Variants in RAD18 observed in about 807,000 individuals in gnomAD.
The protein encoded by RAD18 is E3 ubiquitin-protein ligase RAD18.
A neutral mutation model predicts 60.4 loss-of-function variants in RAD18; 47 were observed. That is an observed-to-expected ratio of 0.78 (90% CI 0.62 to 0.99). RAD18 has a LOEUF of 0.99. RAD18 is among the 50% of genes least tolerant of loss of function. The pLI is 0.00. For missense variants in RAD18, 640 were observed against 593.3 expected (o/e 1.08, Z -0.82); for synonymous variants, 225 against 195.5 (o/e 1.15, Z -1.26).
At chr3:8,897,751 C>G (rs2125049567) in intron 11 of RAD18, among the ~76,000 whole-genome samples, 1 of 152,238 alleles carries the variant, frequency 6.6e-6, no homozygotes, top group Non-Finnish European at 1.5e-5. Context: ...ATTCAGAGGG[C>G]AATGCCTACA....
intron 1 of RAD18, 127 bp downstream of exon 1, chr3:8,963,208 C>G (rs1323302461): frequency 9.3e-7 from 1 of 1,077,830 alleles, no homozygotes; most frequent in East Asian, 3.0e-5. Context: ...AGGGCAGAGC[C>G]GGATACCCGG....
intron 7 of RAD18, among the ~76,000 whole-genome samples, chr3:8,931,095 G>A (rs1235334207): frequency 6.6e-6 from 1 of 152,112 alleles, no homozygotes; most frequent in Non-Finnish European, 1.5e-5. Context: ...TTATTGGCAT[G>A]TAACTTGATT....
chr3:8,938,955 C>T (rs1243646573), intron 6 of RAD18, among the ~76,000 whole-genome samples: 2 of 151,984 alleles, frequency 1.3e-5, no homozygotes, highest in Non-Finnish European at 2.9e-5. Flanking sequence ...TTTTCATGTA[C>T]AAGGGAGGTA....
At chr3:8,911,823 G>A (rs9812423) in intron 9 of RAD18, among the ~76,000 whole-genome samples, 118 of 152,282 alleles carry the variant, frequency 7.7e-4, no homozygotes, top group African/African-American at 2.8e-3. Context: ...TGACAAAACA[G>A]TAATGTGTTA....
chr3:8,954,646 A>G (rs968216215), intron 2 of RAD18, among the ~76,000 whole-genome samples: 5 of 152,160 alleles, frequency 3.3e-5, no homozygotes, highest in Non-Finnish European at 5.9e-5. Flanking sequence ...AGAACTACAA[A>G]TGTAGTGTTT....
chr3:8,956,172 C>A (rs748338904), intron 2 of RAD18, among the ~76,000 whole-genome samples: 8 of 152,164 alleles, frequency 5.3e-5, no homozygotes, highest in Non-Finnish European at 5.9e-5. Flanking sequence ...GAACTTTCAC[C>A]TTTTCACTTA....
Position 8,877,457 on chromosome 3 carries a change from A to G in RAD18, c.*3900T>C, listed in dbSNP as rs948490310. 1.3e-5 allele frequency: 2 copies of G among 152,226 alleles called. No homozygotes were observed. Among genetic ancestry groups the G allele is most frequent in the African/African-American group, 2.4e-5 (1 of 41,446 alleles). The allele number at this position is 152,226 out of a possible 1,614,324, so 9.4% of individuals were successfully genotyped here. A position where few individuals can be genotyped will look rare whatever the true frequency, so the allele number is the denominator to read the frequency against. Reference sequence around the variant, plus strand: ...TGCCCTCACGACTTAATCACATCCTAAAGTTCCCACCTCTTGTTAAGTTTC... The same window carrying G: ...TGCCCTCACGACTTAATCACATCCTGAAGTTCCCACCTCTTGTTAAGTTTC... On this transcript the variant is annotated 3_prime_UTR_variant, in exon 13 of 13. Transcript: ENST00000264926.
intron 2 of RAD18, among the ~76,000 whole-genome samples, chr3:8,956,877 T>C (rs1163352805): frequency 6.6e-6 from 1 of 152,146 alleles, no homozygotes; most frequent in Non-Finnish European, 1.5e-5. Context: ...AAAGACTGAA[T>C]GCTTTCCCCA....
chr3:8,912,415 A>C, intron 8 of RAD18, 43 bp from the exon 9 acceptor site: 2 of 1,355,262 alleles, frequency 1.5e-6, no homozygotes, highest in Non-Finnish European at 2.0e-6. Context: ...TCTCCCCAAA[A>C]TGACAAAAAG....
intron 7 of RAD18, among the ~76,000 whole-genome samples, chr3:8,927,355 ATGAGATACCAT>A (rs1398998936): frequency 1.3e-5 from 2 of 152,190 alleles, no homozygotes; most frequent in Non-Finnish European, 2.9e-5. Context: ...CAAAACCACA[ATGAGATACCAT>A]CTCACACCAG....
intron 10 of RAD18, among the ~76,000 whole-genome samples, chr3:8,901,829 T>C (rs1559763387): frequency 6.6e-6 from 1 of 152,214 alleles, no homozygotes; most frequent in African/African-American, 2.4e-5. Flanking sequence ...TACCACAATA[T>C]AGAAAAACAT....
In RAD18 at chr3:8,928,418, T is replaced by C. The variant is rs116408358; in HGVS notation, c.889+7453A>G. Among the ~76,000 whole-genome samples the C allele has an allele frequency of 6.7e-3, 1,025 of 152,226 alleles. 7 individuals carry two copies. Among genetic ancestry groups the C allele is most frequent in the African/African-American group, 0.024 (984 of 41,544 alleles). On this transcript the variant is annotated intron_variant, in intron 7 of 12. Coordinates refer to ENST00000264926, the MANE Select transcript of RAD18 (RefSeq NM_020165.4). The stretch of plus-strand genomic sequence containing the variant: ...AAATTATAAAATAAAATCCAAACCA[T>C]ATACGGCTTACAATAAAACACAGCT...
intron 9 of RAD18, 89 bp from the exon 10 acceptor site, chr3:8,902,609 G>C: frequency 6.1e-6 from 8 of 1,319,666 alleles, no homozygotes; most frequent in Middle Eastern, 2.1e-4. Flanking sequence ...AGGTGTACAA[G>C]GGATGGGCAT....
chr3:8,937,227 G>T (rs1469957371), intron 6 of RAD18, among the ~76,000 whole-genome samples: 2 of 152,152 alleles, frequency 1.3e-5, no homozygotes, highest in Admixed American at 1.3e-4. Flanking sequence ...AGGGAGAGAT[G>T]ATTCATTACG....
intron 7 of RAD18, among the ~76,000 whole-genome samples, chr3:8,927,875 A>G (rs1206285393): frequency 1.3e-5 from 2 of 151,460 alleles, no homozygotes; most frequent in Non-Finnish European, 1.5e-5. Context: ...ACACTTGGAC[A>G]CAGGAAGAGG....
rs1046130567 is a variant in RAD18, at chr3:8,963,435, T to C, written c.-50A>G. 3 of 1,495,272 alleles carry C rather than the reference T, an allele frequency of 2.0e-6. No individual in the cohort carries two copies. Among genetic ancestry groups the C allele is most frequent in the African/African-American group, 2.8e-5 (2 of 70,912 alleles). The allele number at this position is 1,495,272 out of a possible 1,614,324, so 92.6% of individuals were successfully genotyped here. A position where few individuals can be genotyped will look rare whatever the true frequency, so the allele number is the denominator to read the frequency against. ...TCAGCCACCCACTAGCCTCCGGCGC[T>C]CCAACACCACTCGAAATTCCCCGCG... is the stretch of plus-strand genomic sequence containing the variant. On this transcript the variant is annotated 5_prime_UTR_variant, in exon 1 of 13. Coordinates refer to ENST00000264926, the MANE Select transcript of RAD18 (RefSeq NM_020165.4).
chr3:8,951,672 T>C (rs536796967), intron 2 of RAD18, among the ~76,000 whole-genome samples: 1 of 152,338 alleles, frequency 6.6e-6, no homozygotes, highest in Admixed American at 6.5e-5. Context: ...ATTATGTATA[T>C]GCGTATAAAA....
chr3:8,897,427 G>T (rs1939806540), intron 11 of RAD18, among the ~76,000 whole-genome samples: 1 of 152,134 alleles, frequency 6.6e-6, no homozygotes, highest in Non-Finnish European at 1.5e-5. Flanking sequence ...GAATCTGAGG[G>T]GTTGAGTATG....
In RAD18 at chr3:8,880,737, C is replaced by T. The variant is rs941539522; in HGVS notation, c.*620G>A. 1 of 152,166 alleles carries T rather than the reference C, an allele frequency of 6.6e-6. No individual in the cohort carries two copies. Among genetic ancestry groups the T allele is most frequent in the Non-Finnish European group, 1.5e-5 (1 of 68,042 alleles). The allele number at this position is 152,166 out of a possible 1,614,324, so 9.4% of individuals were successfully genotyped here. On this transcript the variant is annotated 3_prime_UTR_variant, in exon 13 of 13. Coordinates refer to ENST00000264926, the MANE Select transcript of RAD18 (RefSeq NM_020165.4). ...TTTCTAAGTTATTGTGACTTTGTGA[C>T]TGTCGTAGCTTTAAATTATAATACT...
Sources: allele counts gnomAD v4.1 joint callset (sites outside exome capture counted in the v4.1 genomes callset), GRCh38; gene constraint gnomAD v4.1.1; transcripts MANE v1.5; gene names NCBI Gene and HGNC (gene_info 2026-07-23, HGNC 2026-07-21).